SHANK2: variants seen among roughly 807,000 people sequenced by gnomAD.
SHANK2 encodes the protein SH3 and multiple ankyrin repeat domains 2.
In SHANK2, 43 loss-of-function variants were observed where a neutral mutation model predicts 133.7. That is an observed-to-expected ratio of 0.32 (90% CI 0.25 to 0.41). The LOEUF (loss-of-function observed/expected upper bound fraction) is 0.41. Ranked by LOEUF, SHANK2 falls within the 10% of genes least tolerant of loss-of-function variation. The pLI, the probability that SHANK2 is intolerant of heterozygous loss-of-function variation, is 1.00. For synonymous variants in SHANK2, 1,017 were observed against 952.8 expected, an observed-to-expected ratio of 1.07 and a Z score of -1.24; for missense variants, 1,994 against 2,235.8, an observed-to-expected ratio of 0.89 and a Z score of 2.18.
chr11:71,204,871 G>A (rs527616645), intron 2 of SHANK2, among the ~76,000 whole-genome samples: 29 of 152,288 alleles, frequency 1.9e-4, no homozygotes, highest in African/African-American at 6.3e-4. Context: ...TGCTGACCAC[G>A]GCCGGGCAGG....
At chr11:71,137,177 TA>T (rs1432025273) in intron 3 of SHANK2, among the ~76,000 whole-genome samples, 1 of 151,966 alleles carries the variant, frequency 6.6e-6, no homozygotes, top group Non-Finnish European at 1.5e-5. Flanking sequence ...ATTGTATTCT[TA>T]AAGTAAGTAA....
intron 10 of SHANK2, among the ~76,000 whole-genome samples, chr11:70,936,610 A>C (rs1232122345): frequency 6.6e-6 from 1 of 152,252 alleles, no homozygotes; most frequent in Non-Finnish European, 1.5e-5. Context: ...TGTCTTTGCT[A>C]TTTATTTCTC....
At chr11:71,073,448 G>A (rs1202982489) in intron 9 of SHANK2, among the ~76,000 whole-genome samples, 2 of 151,900 alleles carry the variant, frequency 1.3e-5, no homozygotes, top group East Asian at 1.9e-4. Flanking sequence ...GTGAGCCACC[G>A]CGCCTGGCCA....
At chr11:70,493,464 A>T (rs1401768479) in intron 21 of SHANK2, among the ~76,000 whole-genome samples, 7 of 140,298 alleles carry the variant, frequency 5.0e-5, no homozygotes, top group East Asian at 2.0e-4. Flanking sequence ...TTTGCAGCAC[A>T]TTTTTTTTTT....
At chr11:70,881,574 T>TTAATAATAATAATAA (rs71049950) in intron 11 of SHANK2, among the ~76,000 whole-genome samples, 1 of 39,334 alleles carries the variant, frequency 2.5e-5, no homozygotes, top group African/African-American at 4.2e-5. Flanking sequence ...AATAATAATA[T>TTAATAATAATAATAA]TAATAATAAT....
At chr11:71,205,784 G>A (rs1490165958) in intron 2 of SHANK2, among the ~76,000 whole-genome samples, 1 of 152,158 alleles carries the variant, frequency 6.6e-6, no homozygotes, top group Non-Finnish European at 1.5e-5. Flanking sequence ...TGGTGGCAGG[G>A]GGGTGGCAGA....
chr11:70,698,542 G>A (rs1335552834), intron 15 of SHANK2, 146 bp downstream of exon 15: 2 of 660,806 alleles, frequency 3.0e-6, no homozygotes, highest in African/African-American at 1.8e-5. Flanking sequence ...AGGAGATGGT[G>A]GCTTCCATAG....
intron 17 of SHANK2, among the ~76,000 whole-genome samples, chr11:70,562,726 G>T (rs1232675214): frequency 1.3e-5 from 2 of 152,136 alleles, no homozygotes; most frequent in Non-Finnish European, 2.9e-5. Context: ...TAAAATAAGG[G>T]TGTTTATATC....
chr11:70,859,570 C>T (rs1474434379), intron 11 of SHANK2, among the ~76,000 whole-genome samples: 12 of 151,974 alleles, frequency 7.9e-5, no homozygotes, highest in Admixed American at 7.9e-4. Context: ...GATGGATGGA[C>T]TAGTCAGAAA....
chr11:71,066,876 A>T (rs1951069634), intron 9 of SHANK2, among the ~76,000 whole-genome samples: 1 of 152,108 alleles, frequency 6.6e-6, no homozygotes, highest in South Asian at 2.1e-4. Context: ...GTAAGTACGA[A>T]CACACCCCTC....
At chr11:70,689,989 G>A (rs1315837168) in intron 15 of SHANK2, among the ~76,000 whole-genome samples, 3 of 151,162 alleles carry the variant, frequency 2.0e-5, no homozygotes, top group Non-Finnish European at 2.9e-5. Context: ...GATAACTAGG[G>A]AATTTCCAGA....
At chr11:70,476,646 C>T (rs967203694) in intron 25 of SHANK2, among the ~76,000 whole-genome samples, 6 of 152,176 alleles carry the variant, frequency 3.9e-5, no homozygotes, top group Non-Finnish European at 7.3e-5. Context: ...CCTTGGGGCA[C>T]AGGGAATGTT....
chr11:70,479,792 G>A lies in SHANK2; in HGVS notation c.4979+5522C>T, dbSNP rs2058709700. Among the ~76,000 whole-genome samples the A allele has an allele frequency of 6.6e-6, 1 of 152,218 alleles. No individual in the cohort carries two copies. On this transcript the variant is annotated intron_variant, in intron 25 of 25. Transcript: ENST00000601538. The surrounding 1 kb of genome is among the most constrained non-coding windows in gnomAD (Gnocchi z 4.4). ...TTATCTGGCTTTACTATCGGCGCCTGGTATGTGTCAGTATCTCTCAATAAA... is the reference window on the plus strand; with the variant it reads ...TTATCTGGCTTTACTATCGGCGCCTAGTATGTGTCAGTATCTCTCAATAAA...
chr11:70,808,924 C>T (rs890991415), intron 12 of SHANK2, among the ~76,000 whole-genome samples: 2 of 152,122 alleles, frequency 1.3e-5, no homozygotes, highest in East Asian at 3.9e-4. Context: ...GCGGCCCCAG[C>T]GAACCACGCT....
At chr11:70,918,039 T>G (rs1240353813) in intron 10 of SHANK2, among the ~76,000 whole-genome samples, 28 of 152,156 alleles carry the variant, frequency 1.8e-4, no homozygotes, top group African/African-American at 6.3e-4. Context: ...TTTTTTTTTT[T>G]TTTTTAAATA....
At chr11:70,760,625 G>T (rs982758690) in intron 14 of SHANK2, among the ~76,000 whole-genome samples, 1 of 152,266 alleles carries the variant, frequency 6.6e-6, no homozygotes, top group Non-Finnish European at 1.5e-5. Context: ...CCCTTGAGGG[G>T]ACTCGATGAA....
At position 70,684,704 on chromosome 11, in the gene SHANK2, G is replaced by A. The variant is rs564830047; in HGVS notation, c.1853+13984C>T. 3.3e-3 allele frequency among the ~76,000 whole-genome samples: 507 copies of A among 151,806 alleles called. 1 individual carries two copies. The highest frequency in any genetic ancestry group is 5.6e-3 in the Non-Finnish European group (377 of 67,866). ...GCAGGTAAACCCTTGGCCCCTGTCC[G>A]TCACTCAGTGTGACTCAGTGAGTGC... On this transcript the variant is annotated intron_variant, in intron 15 of 25. Transcript: ENST00000601538.
chr11:71,129,697 G>A (rs1952261187), intron 3 of SHANK2, among the ~76,000 whole-genome samples: 1 of 152,090 alleles, frequency 6.6e-6, no homozygotes, highest in African/African-American at 2.4e-5. Flanking sequence ...CTCACACTTG[G>A]TTCACATGAG....
At chr11:71,209,430 C>T (rs1289449078) in intron 2 of SHANK2, among the ~76,000 whole-genome samples, 1 of 152,212 alleles carries the variant, frequency 6.6e-6, no homozygotes, top group Non-Finnish European at 1.5e-5. Flanking sequence ...CCCAGCCAAG[C>T]AGGTGTGGAG....
Sources: gnomAD v4.1 joint callset for allele counts (sites outside exome capture counted in the v4.1 genomes callset) on GRCh38, gnomAD v4.1.1 for gene constraint, Gnocchi (gnomAD v3.1) non-coding constraint, MANE v1.5 for transcripts, NCBI Gene and HGNC (gene_info 2026-07-23, HGNC 2026-07-21) for gene names.